Variants in FSTL4 observed in about 807,000 individuals in gnomAD.
FSTL4 encodes follistatin-related protein 4.
A neutral mutation model predicts 78.2 loss-of-function variants in FSTL4; 28 were observed. The observed-to-expected ratio is 0.36, with a 90% CI of 0.27 to 0.49. FSTL4 has a LOEUF of 0.49. Ranked by LOEUF, FSTL4 falls within the 20% of genes least tolerant of loss-of-function variation. The pLI is 0.98. For synonymous variants in FSTL4, 422 were observed against 440.5 expected (o/e 0.96, Z 0.53); for missense variants, 922 against 1,084.9 (o/e 0.85, Z 2.11).
intron 3 of FSTL4, among the ~76,000 whole-genome samples, chr5:133,458,967 C>T (rs1757543597): frequency 6.6e-6 from 1 of 152,104 alleles, no homozygotes; most frequent in South Asian, 2.1e-4. Context: ...ATTAGACACC[C>T]CAGCTCCCAT....
chr5:133,782,170 T>A, the FSTL4 span, among the ~76,000 whole-genome samples: 1 of 152,282 alleles, frequency 6.6e-6, no homozygotes, highest in Admixed American at 6.5e-5. Flanking sequence ...CCAACCCATC[T>A]GTGGGAAAAT....
intron 4 of FSTL4, among the ~76,000 whole-genome samples, chr5:133,360,792 C>T (rs1479045186): frequency 6.6e-6 from 1 of 152,100 alleles, no homozygotes; most frequent in Non-Finnish European, 1.5e-5. Flanking sequence ...AAATAAAGTT[C>T]CAGAGTAATT....
At chr5:133,402,678 G>T (rs1358740948) in intron 3 of FSTL4, among the ~76,000 whole-genome samples, 1 of 152,182 alleles carries the variant, frequency 6.6e-6, no homozygotes, top group Admixed American at 6.5e-5. Context: ...AAAAAAATCA[G>T]TTATCGGCAG....
intron 3 of FSTL4, among the ~76,000 whole-genome samples, chr5:133,465,340 C>T (rs1377634592): frequency 6.6e-6 from 1 of 152,230 alleles, no homozygotes; most frequent in African/African-American, 2.4e-5. Flanking sequence ...TATTAGTCTC[C>T]TCTGAGCTCC....
At chr5:133,782,676 T>G in the FSTL4 span, among the ~76,000 whole-genome samples, 10 of 152,346 alleles carry the variant, frequency 6.6e-5, no homozygotes, top group South Asian at 2.1e-3. Flanking sequence ...TCAAACTCTC[T>G]GTGACACTTA....
chr5:133,800,617 T>A, the FSTL4 span, among the ~76,000 whole-genome samples: 2 of 138,174 alleles, frequency 1.4e-5, 1 homozygote, highest in East Asian at 4.0e-4. Context: ...CCCCTCCCCC[T>A]GCAAATGACC....
the FSTL4 span, among the ~76,000 whole-genome samples, chr5:133,642,817 G>C: frequency 2.6e-5 from 4 of 152,206 alleles, no homozygotes; most frequent in African/African-American, 9.6e-5. Context: ...ACAAGGTCTA[G>C]TATATGCTTA....
At chr5:133,424,586 G>A (rs1264642051) in intron 3 of FSTL4, among the ~76,000 whole-genome samples, 2 of 152,172 alleles carry the variant, frequency 1.3e-5, no homozygotes, top group Non-Finnish European at 2.9e-5. Flanking sequence ...CTCCAGGTTG[G>A]TGACACTCAA....
the FSTL4 span, among the ~76,000 whole-genome samples, chr5:133,657,779 T>G: frequency 5.3e-5 from 8 of 150,870 alleles, no homozygotes; most frequent in African/African-American, 7.3e-5. Flanking sequence ...TTTTTTGTTT[T>G]TTTTTTTTTT....
chr5:133,332,631 T>C (rs1754374687), intron 4 of FSTL4, among the ~76,000 whole-genome samples: 1 of 152,250 alleles, frequency 6.6e-6, no homozygotes, highest in Admixed American at 6.5e-5. Flanking sequence ...CAGAATGTGT[T>C]AACCTGTCTT....
chr5:133,793,226 C>T, the FSTL4 span, among the ~76,000 whole-genome samples: 1 of 152,182 alleles, frequency 6.6e-6, no homozygotes, highest in African/African-American at 2.4e-5. Context: ...TAGACAGATC[C>T]CAATCCCAGT....
At chr5:133,205,264 A>ATTTG (rs1337236728) in intron 14 of FSTL4, among the ~76,000 whole-genome samples, 2 of 151,912 alleles carry the variant, frequency 1.3e-5, no homozygotes, top group African/African-American at 4.8e-5. Flanking sequence ...TTCTCTTTCA[A>ATTTG]TTTGTTGGTG....
intron 2 of FSTL4, among the ~76,000 whole-genome samples, chr5:133,597,906 C>T (rs1218114174): frequency 3.3e-5 from 5 of 152,084 alleles, no homozygotes; most frequent in African/African-American, 1.2e-4. Context: ...GGGGTGTGGG[C>T]TAAGCCTCAG....
the FSTL4 span, among the ~76,000 whole-genome samples, chr5:133,796,807 A>C: frequency 6.6e-6 from 1 of 152,038 alleles, no homozygotes. Context: ...GGCTGTTCCC[A>C]TTTAGGGCCT....
At chr5:133,551,137 A>G (rs1406512033) in intron 3 of FSTL4, among the ~76,000 whole-genome samples, 1 of 152,178 alleles carries the variant, frequency 6.6e-6, no homozygotes, top group African/African-American at 2.4e-5. Context: ...GCAATTGGGA[A>G]TGAACCATCC....
At chr5:133,249,834 A>G (rs1456747543) in intron 6 of FSTL4, among the ~76,000 whole-genome samples, 2 of 152,254 alleles carry the variant, frequency 1.3e-5, no homozygotes, top group African/African-American at 2.4e-5. Context: ...GCTGAGGACA[A>G]TCTGGGCCAT....
At chr5:133,329,067 C>G (rs944452387) in intron 4 of FSTL4, among the ~76,000 whole-genome samples, 1 of 152,134 alleles carries the variant, frequency 6.6e-6, no homozygotes, top group Non-Finnish European at 1.5e-5. Context: ...GCTTCCTCCG[C>G]GAGTGATCAA....
chr5:133,347,029 A>T (rs76977766), intron 4 of FSTL4, among the ~76,000 whole-genome samples: 2,335 of 152,248 alleles, frequency 0.015, 23 homozygotes, highest in Non-Finnish European at 0.025. Flanking sequence ...TTAAAAATTT[A>T]AAAATTTTTC....
At chr5:133,368,759 G>A (rs1230421466) in intron 4 of FSTL4, among the ~76,000 whole-genome samples, 2 of 152,178 alleles carry the variant, frequency 1.3e-5, no homozygotes, top group Non-Finnish European at 2.9e-5. Context: ...CTAGCCCCAT[G>A]GGCAGCTGTG....
Sources: allele counts gnomAD v4.1 joint callset (sites outside exome capture counted in the v4.1 genomes callset), GRCh38; gene constraint gnomAD v4.1.1; transcripts MANE v1.5; gene names NCBI Gene and HGNC (gene_info 2026-07-23, HGNC 2026-07-21).